RPGRIP1: variants seen among roughly 807,000 people sequenced by gnomAD.
The protein encoded by RPGRIP1 is RPGR interacting protein 1.
RPGRIP1 carries 128 observed loss-of-function variants against 157.9 expected under a neutral mutation model. The ratio of observed to expected loss-of-function variants is 0.81; its 90% CI spans 0.70 to 0.94. The LOEUF (loss-of-function observed/expected upper bound fraction) is 0.94. Ranked by LOEUF, RPGRIP1 falls within the 40% of genes least tolerant of loss-of-function variation. RPGRIP1 has a pLI of 0.00. For missense variants in RPGRIP1, 1,486 were observed against 1,545.8 expected (o/e 0.96, Z 0.65); for synonymous variants, 554 against 571.6 (o/e 0.97, Z 0.44).
intron 3 of RPGRIP1, 91 bp from the exon 4 acceptor site, chr14:21,300,875 T>G: frequency 7.1e-7 from 1 of 1,418,210 alleles, no homozygotes; most frequent in East Asian, 2.3e-5. Flanking sequence ...GAATACATAT[T>G]ATAGATCAAT....
At chr14:21,344,515 C>T (rs959745332) in intron 22 of RPGRIP1, among the ~76,000 whole-genome samples, 5 of 152,118 alleles carry the variant, frequency 3.3e-5, no homozygotes, top group Non-Finnish European at 2.9e-5. Flanking sequence ...AATTTATTTT[C>T]TTATTTTAAT....
At chr14:21,340,376 C>T (rs1246929040) in intron 21 of RPGRIP1, among the ~76,000 whole-genome samples, 3 of 152,268 alleles carry the variant, frequency 2.0e-5, no homozygotes, top group East Asian at 1.9e-4. Flanking sequence ...TTAATGGGGC[C>T]GGGCGCAATG....
chr14:21,285,056 A>G (rs765354154), intron 1 of RPGRIP1, among the ~76,000 whole-genome samples: 5 of 152,174 alleles, frequency 3.3e-5, no homozygotes, highest in Non-Finnish European at 7.4e-5. Context: ...GGTAAACAAG[A>G]TAAACCATTT....
chr14:21,342,927 A>G (rs1885164501), intron 21 of RPGRIP1, 109 bp from the exon 22 acceptor site: 1 of 750,866 alleles, frequency 1.3e-6, no homozygotes, highest in African/African-American at 1.8e-5. Flanking sequence ...TAGATAGATT[A>G]TACCTATGGT....
intron 21 of RPGRIP1, among the ~76,000 whole-genome samples, chr14:21,340,139 T>A (rs1195494532): frequency 6.6e-6 from 1 of 152,044 alleles, no homozygotes; most frequent in East Asian, 1.9e-4. Context: ...GGCCCTGAGG[T>A]AGGAAAGAGT....
At chr14:21,334,244 ACAATCTGCCCCACC>A (rs1884099739) in intron 20 of RPGRIP1, among the ~76,000 whole-genome samples, 1 of 152,038 alleles carries the variant, frequency 6.6e-6, no homozygotes, top group South Asian at 2.1e-4. Flanking sequence ...TTTGGAAAAT[ACAATCTGCCCCACC>A]CAATTGCACA....
At chr14:21,305,424 C>G (rs1299920972) in intron 6 of RPGRIP1, among the ~76,000 whole-genome samples, 1 of 152,228 alleles carries the variant, frequency 6.6e-6, no homozygotes, top group Admixed American at 6.5e-5. Flanking sequence ...CGATTGTCTA[C>G]ATGTACCAGT....
intron 3 of RPGRIP1, among the ~76,000 whole-genome samples, chr14:21,295,706 C>T: frequency 6.6e-6 from 1 of 151,932 alleles, no homozygotes; most frequent in African/African-American, 2.4e-5. Flanking sequence ...GAACTCTTGA[C>T]CTCAGGTGAT....
chr14:21,295,705 A>G, intron 3 of RPGRIP1, among the ~76,000 whole-genome samples: 1 of 151,620 alleles, frequency 6.6e-6, no homozygotes, highest in African/African-American at 2.4e-5. Flanking sequence ...TGAACTCTTG[A>G]CCTCAGGTGA....
Position 21,325,858 on chromosome 14 carries a change from A to G in RPGRIP1, c.2395A>G (p.Asn799Asp). 1 of 1,613,560 alleles carries G rather than the reference A, an allele frequency of 6.2e-7. No individual in the cohort carries two copies. The highest frequency in any genetic ancestry group is 8.5e-7 in the Non-Finnish European group (1 of 1,179,496). ...CAGATCGGAGTCTTGGGAACCTCAG[A>G]ACGAGCTGTGGATTGAAATCACCAA... ...EFRSESWEPQ[N>D]ELWIEITKCC... The change falls in exon 17 of 25, where the codon AAC becomes GAC. Residue 799 changes from asparagine (N) to aspartate (D), a missense_variant. Transcript: ENST00000400017.
At chr14:21,284,029 T>G (rs113572176) in intron 1 of RPGRIP1, among the ~76,000 whole-genome samples, 1 of 152,214 alleles carries the variant, frequency 6.6e-6, no homozygotes, top group African/African-American at 2.4e-5. Context: ...GAAATCTGTA[T>G]AGATCTATTT....
chr14:21,344,685 C>T (rs939440316), intron 22 of RPGRIP1, among the ~76,000 whole-genome samples: 2 of 152,294 alleles, frequency 1.3e-5, no homozygotes, highest in African/African-American at 2.4e-5. Context: ...GTGGCTCATG[C>T]CTGTAATCCC....
intron 22 of RPGRIP1, among the ~76,000 whole-genome samples, chr14:21,344,470 C>T (rs1197920250): frequency 6.6e-6 from 1 of 152,128 alleles, no homozygotes; most frequent in East Asian, 1.9e-4. Context: ...CAAATTCTCT[C>T]CTATACCAGA....
At chr14:21,299,115 A>G (rs1880919416) in intron 3 of RPGRIP1, among the ~76,000 whole-genome samples, 1 of 151,426 alleles carries the variant, frequency 6.6e-6, no homozygotes, top group Non-Finnish European at 1.5e-5. Flanking sequence ...TCTCAGATTC[A>G]AGCGATTCTC....
At chr14:21,281,968 G>A (rs2139125026) in intron 1 of RPGRIP1, among the ~76,000 whole-genome samples, 1 of 152,054 alleles carries the variant, frequency 6.6e-6, no homozygotes, top group South Asian at 2.1e-4. Flanking sequence ...GGTGGCAGGT[G>A]CCTGTAATCC....
chr14:21,298,530 A>G (rs1436529786), intron 3 of RPGRIP1, among the ~76,000 whole-genome samples: 1 of 152,154 alleles, frequency 6.6e-6, no homozygotes, highest in Non-Finnish European at 1.5e-5. Flanking sequence ...TGGAGATAGC[A>G]CAGACTAGCT....
At position 21,312,416 on chromosome 14, in the gene RPGRIP1, G is replaced by A; in HGVS notation, c.1078-17G>A. The A allele has an allele frequency of 6.4e-7, 1 of 1,572,622 alleles. No individual in the cohort carries two copies. Among genetic ancestry groups the A allele is most frequent in the South Asian group, 1.1e-5 (1 of 88,632 alleles). ...TAGATTTTAACATTTTATCTCAAGG[G>A]CTACTATCACTCTTAGTTTCAGGAG... On this transcript the variant is annotated splice_polypyrimidine_tract_variant and intron_variant, in intron 9 of 24. Coordinates refer to ENST00000400017, the MANE Select transcript of RPGRIP1 (RefSeq NM_020366.4).
intron 1 of RPGRIP1, among the ~76,000 whole-genome samples, chr14:21,282,214 C>T (rs1260193090): frequency 6.6e-6 from 1 of 152,166 alleles, no homozygotes; most frequent in African/African-American, 2.4e-5. Flanking sequence ...TCCAAGTGCA[C>T]TGCAATTCTG....
chr14:21,340,672 A>G (rs961953670), intron 21 of RPGRIP1, among the ~76,000 whole-genome samples: 1 of 152,062 alleles, frequency 6.6e-6, no homozygotes, highest in Non-Finnish European at 1.5e-5. Flanking sequence ...ATAAATACAG[A>G]TTCCCAGGAG....
Sources: gnomAD v4.1 joint callset for allele counts (sites outside exome capture counted in the v4.1 genomes callset) on GRCh38, gnomAD v4.1.1 for gene constraint, MANE v1.5 for transcripts, NCBI Gene and HGNC (gene_info 2026-07-23, HGNC 2026-07-21) for gene names.